NLGN1: variants seen among roughly 807,000 people sequenced by gnomAD.
NLGN1 encodes the protein neuroligin 1.
Under a neutral mutation model 65.5 loss-of-function variants are expected in NLGN1, and 12 were observed. The ratio of observed to expected loss-of-function variants is 0.18; its 90% CI spans 0.12 to 0.30. The LOEUF (loss-of-function observed/expected upper bound fraction) is 0.30. Among genes scored for constraint, NLGN1 ranks in the 10% least tolerant of loss-of-function variants. The pLI is 1.00. For synonymous variants in NLGN1, 350 were observed against 359.5 expected (o/e 0.97, Z 0.30); for missense variants, 750 against 1,007.1 (o/e 0.74, Z 3.46).
chr3:173,569,243 A>G (rs1185302879), intron 2 of NLGN1, among the ~76,000 whole-genome samples: 1 of 152,132 alleles, frequency 6.6e-6, no homozygotes, highest in Non-Finnish European at 1.5e-5. Context: ...GTAAAATAAA[A>G]CAACACGGAT....
intron 2 of NLGN1, among the ~76,000 whole-genome samples, chr3:173,475,467 T>G (rs1156332087): frequency 6.6e-6 from 1 of 152,236 alleles, no homozygotes; most frequent in Non-Finnish European, 1.5e-5. Flanking sequence ...TCACTGTTTT[T>G]ATTTCCAAAT....
chr3:174,019,532 C>A (rs1401168444), intron 4 of NLGN1, among the ~76,000 whole-genome samples: 3 of 152,036 alleles, frequency 2.0e-5, no homozygotes, highest in Non-Finnish European at 2.9e-5. Flanking sequence ...TCTGTTATAG[C>A]AACAGAAAAC....
intron 2 of NLGN1, among the ~76,000 whole-genome samples, chr3:173,559,695 C>T (rs898321288): frequency 7.9e-5 from 12 of 151,750 alleles, no homozygotes; most frequent in African/African-American, 2.9e-4. Context: ...AAATAGAAGT[C>T]GAGATATAAC....
intron 4 of NLGN1, among the ~76,000 whole-genome samples, chr3:174,146,665 C>A (rs58852996): frequency 0.025 from 3,703 of 151,044 alleles, 161 homozygotes; most frequent in African/African-American, 0.084. Flanking sequence ...CCTCCCGGGT[C>A]AAAGCGATTC....
chr3:173,607,068 G>C (rs946441398), intron 3 of NLGN1, among the ~76,000 whole-genome samples: 4 of 151,946 alleles, frequency 2.6e-5, no homozygotes, highest in African/African-American at 7.2e-5. Context: ...ATAAAAACAT[G>C]TATGATGAAG....
intron 4 of NLGN1, among the ~76,000 whole-genome samples, chr3:173,813,553 T>A (rs1718416944): frequency 2.0e-5 from 3 of 152,184 alleles, no homozygotes; most frequent in African/African-American, 4.8e-5. Context: ...AGAAAGACAG[T>A]CTTTATTTCT....
intron 1 of NLGN1, among the ~76,000 whole-genome samples, chr3:173,414,997 T>G (rs1713383983): frequency 1.3e-5 from 2 of 152,214 alleles, no homozygotes; most frequent in Non-Finnish European, 2.9e-5. Flanking sequence ...AAGATGCAGA[T>G]GGAGACAAGA....
At chr3:174,133,609 A>G (rs1032745119) in intron 4 of NLGN1, among the ~76,000 whole-genome samples, 1 of 152,096 alleles carries the variant, frequency 6.6e-6, no homozygotes, top group East Asian at 1.9e-4. Flanking sequence ...AGTTACGCAA[A>G]TAGTACAAGG....
chr3:174,077,776 G>A (rs915615267), intron 4 of NLGN1, among the ~76,000 whole-genome samples: 1 of 152,088 alleles, frequency 6.6e-6, no homozygotes, highest in Admixed American at 6.6e-5. Flanking sequence ...GGCTGGTCTC[G>A]AACTCCTGAC....
At chr3:174,277,598 T>G (rs996842215) in intron 5 of NLGN1, among the ~76,000 whole-genome samples, 1 of 151,954 alleles carries the variant, frequency 6.6e-6, no homozygotes, top group Non-Finnish European at 1.5e-5. Context: ...ATTATCTGTA[T>G]TTGTATCATT....
intron 4 of NLGN1, among the ~76,000 whole-genome samples, chr3:174,015,623 A>G (rs1726400345): frequency 6.6e-6 from 1 of 152,202 alleles, no homozygotes; most frequent in Non-Finnish European, 1.5e-5. Context: ...TGAATATTTA[A>G]TCATAGACTC....
chr3:173,551,995 T>C (rs1740947103), intron 2 of NLGN1, among the ~76,000 whole-genome samples: 1 of 152,242 alleles, frequency 6.6e-6, no homozygotes, highest in Admixed American at 6.5e-5. Flanking sequence ...GAAAATACTC[T>C]TTGTAAGCCA....
At chr3:174,156,641 A>T (rs1294198446) in intron 4 of NLGN1, among the ~76,000 whole-genome samples, 1 of 151,886 alleles carries the variant, frequency 6.6e-6, no homozygotes, top group Middle Eastern at 3.4e-3. Flanking sequence ...ATAAAACATA[A>T]GGGGGTTCTC....
chr3:173,999,667 C>G (rs767414697), intron 4 of NLGN1, among the ~76,000 whole-genome samples: 5 of 152,114 alleles, frequency 3.3e-5, no homozygotes, highest in South Asian at 4.1e-4. Context: ...CCTGCAGGAA[C>G]AATTTGTAAG....
intron 4 of NLGN1, among the ~76,000 whole-genome samples, chr3:173,812,003 A>G (rs746565275): frequency 5.3e-5 from 8 of 152,208 alleles, no homozygotes; most frequent in Non-Finnish European, 7.3e-5. Context: ...CTTTATCTTG[A>G]CATAAATATC....
chr3:174,013,569 A>C (rs1725963581), intron 4 of NLGN1, among the ~76,000 whole-genome samples: 1 of 152,252 alleles, frequency 6.6e-6, no homozygotes, highest in Admixed American at 6.5e-5. Context: ...TGGTGATTGA[A>C]TAGAACTTGT....
chr3:173,959,996 G>A (rs1293869999), intron 4 of NLGN1, among the ~76,000 whole-genome samples: 1 of 151,796 alleles, frequency 6.6e-6, no homozygotes, highest in Non-Finnish European at 1.5e-5. Context: ...ACTGAGATTT[G>A]TATATCAGAT....
chr3:173,583,607 A>G (rs773403275), intron 2 of NLGN1, among the ~76,000 whole-genome samples: 1 of 152,180 alleles, frequency 6.6e-6, no homozygotes, highest in African/African-American at 2.4e-5. Context: ...ACTAGGCCCA[A>G]TTTGTGTTTC....
intron 3 of NLGN1, among the ~76,000 whole-genome samples, chr3:173,624,070 G>T (rs1457920537): frequency 1.3e-5 from 2 of 152,082 alleles, no homozygotes; most frequent in Non-Finnish European, 2.9e-5. Context: ...CTAACAACAG[G>T]TCAGCTGTTG....
Sources: allele counts gnomAD v4.1 joint callset (sites outside exome capture counted in the v4.1 genomes callset), GRCh38; gene constraint gnomAD v4.1.1; transcripts MANE v1.5; gene names NCBI Gene and HGNC (gene_info 2026-07-23, HGNC 2026-07-21).